COL15A1: variants seen among roughly 807,000 people sequenced by gnomAD.
COL15A1 encodes the protein collagen alpha-1(XV) chain.
COL15A1 carries 111 observed loss-of-function variants against 165.9 expected under a neutral mutation model. The observed-to-expected ratio is 0.67, with a 90% confidence interval of 0.57 to 0.78. The LOEUF is 0.78. Among genes scored for constraint, COL15A1 ranks in the 30% least tolerant of loss-of-function variants. The pLI is 0.00. For synonymous variants in COL15A1, 659 were observed against 674.8 expected, an observed-to-expected ratio of 0.98 and a Z score of 0.36; for missense variants, 1,745 against 1,789.7, an observed-to-expected ratio of 0.98 and a Z score of 0.45.
At chr9:98,967,953 G>A (rs532595726) in intron 2 of COL15A1, among the ~76,000 whole-genome samples, 2 of 152,138 alleles carry the variant, frequency 1.3e-5, no homozygotes, top group African/African-American at 2.4e-5. Context: ...AGTAGGTCTC[G>A]AGAATCTGCA....
intron 16 of COL15A1, among the ~76,000 whole-genome samples, chr9:99,033,418 C>T (rs1839241191): frequency 6.6e-6 from 1 of 152,180 alleles, no homozygotes; most frequent in Non-Finnish European, 1.5e-5. Context: ...ATGGGCAGGG[C>T]TGGACAGCTA....
At chr9:99,066,499 C>G (rs765396448) in intron 39 of COL15A1, among the ~76,000 whole-genome samples, 1 of 152,082 alleles carries the variant, frequency 6.6e-6, no homozygotes, top group Non-Finnish European at 1.5e-5. Context: ...AGCTTAAAAC[C>G]CCTGCACAGA....
rs754461111 is a variant in COL15A1, at chr9:99,015,403, C to T, written c.1354-14C>T. The T allele has an allele frequency of 6.3e-7, 1 of 1,599,702 alleles. No individual in the cohort carries two copies. Among genetic ancestry groups the T allele is most frequent in the Admixed American group, 1.7e-5 (1 of 60,000 alleles). Reference sequence around the variant, plus strand: ...GGCGAAGGGGCACAGCTCCTCATGCCAATTTCATTTCAGGGTCCAAGCAGT... The same window carrying T: ...GGCGAAGGGGCACAGCTCCTCATGCTAATTTCATTTCAGGGTCCAAGCAGT... On this transcript the variant is annotated splice_polypyrimidine_tract_variant and intron_variant, in intron 9 of 41. Coordinates refer to ENST00000375001, the MANE Select transcript of COL15A1 (RefSeq NM_001855.5).
intron 26 of COL15A1, among the ~76,000 whole-genome samples, chr9:99,046,946 C>T (rs1839501248): frequency 6.6e-6 from 1 of 152,146 alleles, no homozygotes; most frequent in African/African-American, 2.4e-5. Flanking sequence ...TTTTGTTTGT[C>T]ATTTTTCAGA....
Position 99,056,411 on chromosome 9 carries a change from G to A in COL15A1, c.3337+7G>A. On this transcript the variant is annotated splice_region_variant and intron_variant, in intron 35 of 41. Coordinates refer to ENST00000375001, the MANE Select transcript of COL15A1 (RefSeq NM_001855.5). ...CCAGCTATCCTGGGAGCAGGTTAGT[G>A]CCGTAAACAGTGCCCTTGTTCATGC... is the stretch of plus-strand genomic sequence containing the variant. 1 of 1,600,838 alleles carries A rather than the reference G, an allele frequency of 6.2e-7. No homozygotes were observed. The highest frequency in any genetic ancestry group is 2.2e-5 in the East Asian group (1 of 44,766).
chr9:98,987,296 C>G lies in COL15A1; in HGVS notation c.651C>G (p.Gly217=), dbSNP rs771413172. 2 of 1,613,214 alleles carry G rather than the reference C, an allele frequency of 1.2e-6. No individual in the cohort carries two copies. Among genetic ancestry groups the G allele is most frequent in the Non-Finnish European group, 1.7e-6 (2 of 1,179,600 alleles). ...TCTGATCCGTCTCTTTTCCCCAGGG[C>G]TCCCTCCAGCAGCTCACCGTGCACC... ...AGATGLERFT[G]SLQQLTVHPD... is the part of the protein sequence containing the mutation. The change falls in exon 4 of 42, where the codon GGC becomes GGG. Residue 217 remains glycine (G), a splice_region_variant and synonymous_variant. Transcript: ENST00000375001.
chr9:98,986,414 T>C lies in COL15A1; in HGVS notation c.648+302T>C, dbSNP rs184236472. The C allele has an allele frequency of 2.6e-3, 772 of 298,644 alleles. 4 individuals carry two copies. The highest frequency in any genetic ancestry group is 3.2e-3 in the South Asian group (59 of 18,496). 18.5% of individuals were successfully genotyped at this position (298,644 alleles called of 1,614,324 possible). ...GTCTTGTAGGTCAAATAAGATAATC[T>C]GTGTGAAAGCACTTTGTACGTTTTA... On this transcript the variant is annotated intron_variant, in intron 3 of 41. Coordinates refer to ENST00000375001, the MANE Select transcript of COL15A1 (RefSeq NM_001855.5).
intron 2 of COL15A1, among the ~76,000 whole-genome samples, chr9:98,944,908 T>C (rs1291828148): frequency 1.3e-5 from 2 of 152,210 alleles, no homozygotes; most frequent in African/African-American, 4.8e-5. Flanking sequence ...AAAGTAGACC[T>C]AAGTTAAAAT....
At chr9:98,998,592 A>G (rs1177893944) in intron 6 of COL15A1, among the ~76,000 whole-genome samples, 1 of 152,164 alleles carries the variant, frequency 6.6e-6, no homozygotes, top group Non-Finnish European at 1.5e-5. Flanking sequence ...ACAATCCCCG[A>G]TGCTGGGTGG....
chr9:99,063,153 A>G (rs1825843341), intron 39 of COL15A1, 44 bp downstream of exon 39: 9 of 1,548,258 alleles, frequency 5.8e-6, no homozygotes, highest in African/African-American at 1.4e-5. Context: ...CTGAGTGTAT[A>G]TCTGCTAAGT....
At chr9:98,982,626 T>G (rs1001609831) in intron 2 of COL15A1, among the ~76,000 whole-genome samples, 2 of 151,436 alleles carry the variant, frequency 1.3e-5, no homozygotes, top group African/African-American at 4.9e-5. Flanking sequence ...ACGATGATGA[T>G]GATGATGATG....
At chr9:99,046,608 A>C (rs1410387982) in intron 26 of COL15A1, among the ~76,000 whole-genome samples, 1 of 152,240 alleles carries the variant, frequency 6.6e-6, no homozygotes, top group African/African-American at 2.4e-5. Context: ...AGAGAGAATA[A>C]GTGCCAGCAG....
At chr9:98,977,159 C>A (rs555546485) in intron 2 of COL15A1, among the ~76,000 whole-genome samples, 1 of 152,184 alleles carries the variant, frequency 6.6e-6, no homozygotes, top group African/African-American at 2.4e-5. Flanking sequence ...TTAAGTCACA[C>A]AACTGTCCTC....
intron 9 of COL15A1, among the ~76,000 whole-genome samples, chr9:99,013,666 G>A (rs1034879993): frequency 1.3e-5 from 2 of 152,060 alleles, no homozygotes; most frequent in African/African-American, 4.8e-5. Flanking sequence ...CCGGTATAAG[G>A]TAATCTCTGG....
intron 31 of COL15A1, among the ~76,000 whole-genome samples, chr9:99,053,291 T>C (rs762585944): frequency 6.6e-6 from 1 of 152,220 alleles, no homozygotes; most frequent in Non-Finnish European, 1.5e-5. Flanking sequence ...CCTGATGATA[T>C]CTAGCCCTGT....
At chr9:99,036,141 A>G (rs199733497) in intron 19 of COL15A1, 29 bp from the exon 20 acceptor site, 2 of 1,585,828 alleles carry the variant, frequency 1.3e-6, no homozygotes, top group East Asian at 4.5e-5. Context: ...AGTGACTAGA[A>G]GAATATTTAT....
chr9:99,047,941 G>C lies in COL15A1; in HGVS notation c.2734G>C (p.Gly912Arg). ...KGEFGLPGRP[G>R]RPGLNGLKGT... ...CTGAGGTGTCTGCTGTGGGTTCCAG[G>C]GTCGCCCAGGACTGAATGGCCTCAA... Residue 912 changes from glycine to arginine, a missense_variant and splice_region_variant, in exon 28 of 42, where the codon GGT (glycine) becomes CGT (arginine). Physicochemically the swap from Gly to Arg is moderately radical, Grantham distance 125. Transcript: ENST00000375001. The C allele has an allele frequency of 6.2e-7, 1 of 1,610,324 alleles. No homozygotes were observed. Among genetic ancestry groups the C allele is most frequent in the Non-Finnish European group, 8.5e-7 (1 of 1,176,898 alleles).
At chr9:99,028,676 C>T (rs1280375136) in intron 16 of COL15A1, among the ~76,000 whole-genome samples, 1 of 151,614 alleles carries the variant, frequency 6.6e-6, no homozygotes, top group East Asian at 1.9e-4. Flanking sequence ...AAGATTGATA[C>T]AACAGACTTG....
intron 2 of COL15A1, among the ~76,000 whole-genome samples, chr9:98,963,556 C>T (rs1003482669): frequency 1.2e-4 from 19 of 152,194 alleles, no homozygotes; most frequent in African/African-American, 3.4e-4. Context: ...TGATCACATC[C>T]GTACCATTCT....
Sources: gnomAD v4.1 joint callset for allele counts (sites outside exome capture counted in the v4.1 genomes callset) on GRCh38, gnomAD v4.1.1 for gene constraint, MANE v1.5 for transcripts, NCBI Gene and HGNC (gene_info 2026-07-23, HGNC 2026-07-21) for gene names.